Variants in TUT7 observed in about 807,000 individuals in gnomAD.
TUT7 encodes the protein terminal uridylyl transferase 7, also known as terminal uridylyltransferase 7.
A neutral mutation model predicts 165.9 loss-of-function variants in TUT7; 33 were observed. The observed-to-expected ratio is 0.20, with a 90% confidence interval of 0.15 to 0.27. TUT7 has a LOEUF of 0.27. Among genes scored for constraint, TUT7 ranks in the 10% least tolerant of loss-of-function variants. TUT7 has a pLI of 1.00. For synonymous variants in TUT7, 552 were observed against 608.1 expected (o/e 0.91, Z 1.36); for missense variants, 1,338 against 1,762.3 (o/e 0.76, Z 4.31).
chr9:86,352,427 A>G, intron 2 of TUT7: 1 of 562,222 alleles, frequency 1.8e-6, no homozygotes, highest in South Asian at 2.1e-5. Flanking sequence ...GTTACAGAAA[A>G]CATGTTTACT....
At chr9:86,332,293 G>A (rs1186575255) in intron 10 of TUT7, among the ~76,000 whole-genome samples, 1 of 152,056 alleles carries the variant, frequency 6.6e-6, no homozygotes, top group Non-Finnish European at 1.5e-5. Flanking sequence ...CAACCTAAAC[G>A]CCTATCAGTG....
intron 10 of TUT7, among the ~76,000 whole-genome samples, chr9:86,335,846 G>C (rs942728837): frequency 1.3e-5 from 2 of 152,182 alleles, no homozygotes; most frequent in Admixed American, 1.3e-4. Flanking sequence ...TTTCAATCCA[G>C]TGTTTGATCA....
intron 26 of TUT7, among the ~76,000 whole-genome samples, chr9:86,293,622 T>A (rs549158879): frequency 1.3e-5 from 2 of 152,262 alleles, no homozygotes; most frequent in East Asian, 3.9e-4. Context: ...CAATCACAAT[T>A]TGGGAATATT....
At chr9:86,318,295 T>C (rs1828918684) in intron 16 of TUT7, among the ~76,000 whole-genome samples, 1 of 152,214 alleles carries the variant, frequency 6.6e-6, no homozygotes, top group African/African-American at 2.4e-5. Context: ...CTCTTACAAC[T>C]ACTAAACTCT....
intron 21 of TUT7, 59 bp from the exon 22 acceptor site, chr9:86,308,665 T>C: frequency 7.3e-7 from 1 of 1,367,322 alleles, no homozygotes. Context: ...AATATCAATA[T>C]TCATTTGTAT....
intron 26 of TUT7, among the ~76,000 whole-genome samples, chr9:86,292,048 G>T (rs1825940883): frequency 6.6e-6 from 1 of 152,134 alleles, no homozygotes; most frequent in Non-Finnish European, 1.5e-5. Context: ...TTTTAAAATA[G>T]ATGAGGTCTA....
At chr9:86,322,741 A>T in intron 13 of TUT7, 132 bp downstream of exon 13, 2 of 1,086,882 alleles carry the variant, frequency 1.8e-6, no homozygotes, top group East Asian at 2.6e-5. Context: ...CCGAGCAGTC[A>T]TATCAGAATG....
intron 5 of TUT7, among the ~76,000 whole-genome samples, chr9:86,344,666 T>C (rs1230264531): frequency 1.3e-5 from 2 of 151,588 alleles, no homozygotes; most frequent in Non-Finnish European, 2.9e-5. Context: ...AAATATGGTG[T>C]CAATTTAGAT....
chr9:86,312,304 C>T lies in TUT7; in HGVS notation c.3275-1495G>A, dbSNP rs567513574. 8.9e-4 allele frequency among the ~76,000 whole-genome samples: 135 copies of T among 152,012 alleles called. 2 individuals are homozygous for T. The Middle Eastern group carries it at 0.01, about 11-fold the overall frequency. On this transcript the variant is annotated intron_variant, in intron 17 of 26. Coordinates refer to ENST00000375963, the MANE Select transcript of TUT7 (RefSeq NM_024617.4). ...CCGGGATGTGAGGAGCGTCTCTGCCCGGCCGCCCCATCTGAGAAGTGAGGA... is the reference window on the plus strand; with the variant it reads ...CCGGGATGTGAGGAGCGTCTCTGCCTGGCCGCCCCATCTGAGAAGTGAGGA...
rs1827309957 is a variant in TUT7 at position 86,304,877 on chromosome 9, T to G, written c.3957A>C (p.Pro1319=). The G allele has an allele frequency of 2.5e-6, 4 of 1,609,710 alleles. No homozygotes were observed. The highest frequency in any genetic ancestry group is 3.4e-6 in the Non-Finnish European group (4 of 1,178,370). The change falls in exon 24 of 27, where the codon CCA becomes CCC. Residue 1319 remains proline (P), a synonymous_variant. Transcript: ENST00000375963. ...RVFGIPVKGF[P]KDYPSKMEYF... is the part of the protein sequence containing the mutation. ...TTACCATTTTTGAGGGGTAGTCCTTTGGAAATCCCTTGACAGGAATACCAA... is the reference window on the plus strand; with the variant it reads ...TTACCATTTTTGAGGGGTAGTCCTTGGGAAATCCCTTGACAGGAATACCAA...
intron 26 of TUT7, among the ~76,000 whole-genome samples, chr9:86,297,921 C>CTTTTTTTTTTTTTTTTTTT (rs59651352): frequency 1.2e-5 from 1 of 86,498 alleles, no homozygotes; most frequent in African/African-American, 5.5e-5. Context: ...GCCTGCTCCA[C>CTTTTTTTTTTTTTTTTTTT]TTTTTTTTTT....
At position 86,312,433 on chromosome 9, in the gene TUT7, C is replaced by T. The variant is rs537458493; in HGVS notation, c.3275-1624G>A. ...GAGCCCCTCCGCCCGGCAGCCACCC[C>T]GTCTGGGAAGTGAGGAGCGTCTCCA... On this transcript the variant is annotated intron_variant, in intron 17 of 26. Coordinates refer to ENST00000375963, the MANE Select transcript of TUT7 (RefSeq NM_024617.4). 2.0e-4 allele frequency among the ~76,000 whole-genome samples: 30 copies of T among 152,090 alleles called. No individual in the cohort carries two copies. In the East Asian group the frequency reaches 5.7e-3, roughly 29 times the overall value.
chr9:86,326,910 G>A (rs1164833016), intron 11 of TUT7, among the ~76,000 whole-genome samples: 4 of 152,210 alleles, frequency 2.6e-5, no homozygotes, highest in Admixed American at 6.5e-5. Context: ...TGGATTTACA[G>A]CAATAGCTTT....
chr9:86,339,950 T>C, intron 8 of TUT7, 86 bp downstream of exon 8: 1 of 1,006,512 alleles, frequency 9.9e-7, no homozygotes, highest in Non-Finnish European at 1.6e-6. Flanking sequence ...CTTATAATTC[T>C]AGAAATTGGA....
intron 2 of TUT7, among the ~76,000 whole-genome samples, chr9:86,350,561 A>G (rs1832187212): frequency 6.6e-6 from 1 of 152,256 alleles, no homozygotes; most frequent in African/African-American, 2.4e-5. Flanking sequence ...TAATGGCCAG[A>G]GTAGCAGAGT....
intron 10 of TUT7, among the ~76,000 whole-genome samples, chr9:86,334,426 C>T (rs759037789): frequency 6.6e-5 from 10 of 152,030 alleles, no homozygotes; most frequent in African/African-American, 1.7e-4. Context: ...ACTGAGCCTT[C>T]GGAAATTTGT....
At chr9:86,350,962 A>C (rs1369787712) in intron 2 of TUT7, among the ~76,000 whole-genome samples, 1 of 151,306 alleles carries the variant, frequency 6.6e-6, no homozygotes, top group Non-Finnish European at 1.5e-5. Context: ...GAGAAACCCT[A>C]TCTCTATTAA....
At position 86,345,257 on chromosome 9, in the gene TUT7, T is replaced by G. The variant is rs552806449; in HGVS notation, c.820-103A>C. On this transcript the variant is annotated intron_variant, in intron 4 of 26. Transcript: ENST00000375963. ...TATAGAGTTTTCTTTTTCTTAGCCC[T>G]CCCTTCTCATTTTAGCTGTGTTAGT... is the stretch of plus-strand genomic sequence containing the variant. The G allele has an allele frequency of 6.5e-6, 7 of 1,085,064 alleles. No homozygotes were observed. In the South Asian group the frequency reaches 1.3e-4, roughly 20 times the overall value. 67.2% of individuals were successfully genotyped at this position (1,085,064 alleles called of 1,614,324 possible). A position where few individuals can be genotyped will look rare whatever the true frequency, so the allele number is the denominator to read the frequency against.
intron 26 of TUT7, among the ~76,000 whole-genome samples, chr9:86,291,625 C>G (rs1321704632): frequency 2.0e-5 from 3 of 147,008 alleles, no homozygotes; most frequent in Non-Finnish European, 4.5e-5. Flanking sequence ...CAGAGTCATA[C>G]AAATACACAT....
Sources: gnomAD v4.1 joint callset for allele counts (sites outside exome capture counted in the v4.1 genomes callset) on GRCh38, gnomAD v4.1.1 for gene constraint, MANE v1.5 for transcripts, NCBI Gene and HGNC (gene_info 2026-07-23, HGNC 2026-07-21) for gene names.